CAMK2G: variants seen among roughly 807,000 people sequenced by gnomAD.
The protein encoded by CAMK2G is calcium/calmodulin-dependent protein kinase type II subunit gamma.
A neutral mutation model predicts 88.7 loss-of-function variants in CAMK2G; 23 were observed. That is an observed-to-expected ratio of 0.26 (90% CI 0.19 to 0.37). The LOEUF is 0.37. Ranked by LOEUF, CAMK2G falls within the 10% of genes least tolerant of loss-of-function variation. The pLI is 1.00. For synonymous variants in CAMK2G, 263 were observed against 294.8 expected (o/e 0.89, Z 1.11); for missense variants, 476 against 780.8 (o/e 0.61, Z 4.65).
intron 5 of CAMK2G, among the ~76,000 whole-genome samples, 175 bp from the exon 6 acceptor site, chr10:73,849,508 GA>G (rs1294394924): frequency 6.6e-6 from 1 of 152,172 alleles, no homozygotes; most frequent in Admixed American, 6.5e-5. Flanking sequence ...CCTATTTAAA[GA>G]AAGAGGAAAC....
intron 5 of CAMK2G, among the ~76,000 whole-genome samples, chr10:73,849,726 TG>T: frequency 6.6e-6 from 1 of 152,340 alleles, no homozygotes; most frequent in African/African-American, 2.4e-5. Context: ...AGAAGAAGCT[TG>T]TGCTGGCAAC....
At chr10:73,815,932 G>C in intron 21 of CAMK2G, 1 of 984,626 alleles carries the variant, frequency 1.0e-6, no homozygotes, top group Non-Finnish European at 1.2e-6. Flanking sequence ...GTTAGACAGG[G>C]GCTACATGAC....
intron 18 of CAMK2G, 111 bp downstream of exon 18, chr10:73,821,571 C>T: frequency 1.2e-6 from 1 of 801,882 alleles, no homozygotes; most frequent in South Asian, 1.5e-5. Flanking sequence ...CTCCTAGGGG[C>T]ATAGGAGCCA....
chr10:73,851,885 C>T (rs896136753), intron 5 of CAMK2G, among the ~76,000 whole-genome samples: 20 of 152,008 alleles, frequency 1.3e-4, no homozygotes, highest in African/African-American at 4.4e-4. Context: ...GCTGGGATTA[C>T]AGGCACACAC....
rs187320216 is a variant in CAMK2G at position 73,837,843 on chromosome 10, T to C, written c.1010-332A>G. 1.9e-3 allele frequency among the ~76,000 whole-genome samples: 292 copies of C among 151,910 alleles called. 1 individual carries two copies. The highest frequency in any genetic ancestry group is 3.2e-3 in the Non-Finnish European group (217 of 67,924). The stretch of plus-strand genomic sequence containing the variant: ...CTTCCACCCAGGCCTGGAAGCAGAG[T>C]GCCAGGGTGAAAGAGTGAGGGCTCC... On this transcript the variant is annotated intron_variant, in intron 13 of 22. Coordinates refer to ENST00000423381, the MANE Select transcript of CAMK2G (RefSeq NM_001367534.1).
chr10:73,837,665 G>A (rs2093381755), intron 13 of CAMK2G, among the ~76,000 whole-genome samples, 154 bp from the exon 14 acceptor site: 1 of 152,186 alleles, frequency 6.6e-6, no homozygotes, highest in Non-Finnish European at 1.5e-5. Context: ...TAGCCTCTCA[G>A]CAAGAAGGGG....
At chr10:73,841,127 T>G (rs1374217517) in intron 12 of CAMK2G, among the ~76,000 whole-genome samples, 1 of 152,244 alleles carries the variant, frequency 6.6e-6, no homozygotes, top group African/African-American at 2.4e-5. Flanking sequence ...CACGAAGCCC[T>G]AGGCTCCCTG....
intron 3 of CAMK2G, among the ~76,000 whole-genome samples, chr10:73,858,856 G>C (rs1294791978): frequency 2.6e-5 from 4 of 152,176 alleles, no homozygotes; most frequent in African/African-American, 9.7e-5. Context: ...TGTCCTTCCT[G>C]CTCATTTCTC....
chr10:73,832,642 T>C (rs2092632569), intron 14 of CAMK2G, among the ~76,000 whole-genome samples: 1 of 152,200 alleles, frequency 6.6e-6, no homozygotes, highest in South Asian at 2.1e-4. Flanking sequence ...CTTCACTTAA[T>C]ATAAAACATT....
intron 14 of CAMK2G, among the ~76,000 whole-genome samples, chr10:73,831,336 G>A (rs912003309): frequency 1.3e-5 from 2 of 151,628 alleles, no homozygotes; most frequent in Non-Finnish European, 2.9e-5. Context: ...TCAGGAGATC[G>A]AGACCAGCCT....
chr10:73,873,419 C>A, intron 1 of CAMK2G: 1 of 1,175,528 alleles, frequency 8.5e-7, no homozygotes, highest in South Asian at 2.2e-5. Context: ...CCTGCGGTCC[C>A]GGCCAAGAGA....
At chr10:73,823,349 G>T (rs1187184949) in intron 17 of CAMK2G, among the ~76,000 whole-genome samples, 4 of 152,114 alleles carry the variant, frequency 2.6e-5, no homozygotes, top group African/African-American at 9.7e-5. Context: ...CCAAGTAGCT[G>T]GGACTACAGG....
chr10:73,819,926 CG>C (rs1283860707), intron 18 of CAMK2G, among the ~76,000 whole-genome samples: 2 of 152,174 alleles, frequency 1.3e-5, no homozygotes, highest in East Asian at 3.9e-4. Context: ...CCCCTGATCC[CG>C]GGGAAGATGT....
At chr10:73,820,365 G>A (rs1444341459) in intron 18 of CAMK2G, among the ~76,000 whole-genome samples, 1 of 150,152 alleles carries the variant, frequency 6.7e-6, no homozygotes, top group Non-Finnish European at 1.5e-5. Context: ...GTGGCCTCAC[G>A]GTTGTCAGAT....
chr10:73,822,211 A>G (rs2089147764), intron 17 of CAMK2G, among the ~76,000 whole-genome samples: 1 of 152,178 alleles, frequency 6.6e-6, no homozygotes, highest in Admixed American at 6.5e-5. Context: ...CTTGTTGCAC[A>G]GGCTGGAGTG....
At chr10:73,816,903 G>C (rs746641671) in intron 21 of CAMK2G, 120 bp downstream of exon 21, 9 of 1,610,276 alleles carry the variant, frequency 5.6e-6, no homozygotes, top group Middle Eastern at 1.7e-4. Context: ...CAGAGTAGGA[G>C]TGCAGCACGA....
chr10:73,867,440 C>T (rs1448466522), intron 2 of CAMK2G, among the ~76,000 whole-genome samples: 1 of 152,214 alleles, frequency 6.6e-6, no homozygotes, highest in Non-Finnish European at 1.5e-5. Flanking sequence ...CCTTTGCCCA[C>T]TGTTTTGGTG....
At chr10:73,827,154 G>A (rs1317638570) in intron 15 of CAMK2G, among the ~76,000 whole-genome samples, 3 of 152,244 alleles carry the variant, frequency 2.0e-5, no homozygotes, top group African/African-American at 7.2e-5. Flanking sequence ...AAAACCTGCA[G>A]AGGGCTGGGA....
chr10:73,865,523 C>T (rs1186869810), intron 2 of CAMK2G, among the ~76,000 whole-genome samples: 2 of 152,234 alleles, frequency 1.3e-5, no homozygotes, highest in Non-Finnish European at 2.9e-5. Flanking sequence ...ACTTCCTGTC[C>T]TGTAGTCACA....
Sources: allele counts gnomAD v4.1 joint callset (sites outside exome capture counted in the v4.1 genomes callset), GRCh38; gene constraint gnomAD v4.1.1; transcripts MANE v1.5; gene names NCBI Gene and HGNC (gene_info 2026-07-23, HGNC 2026-07-21).